Variants in WIPI1 observed in about 807,000 individuals in gnomAD.
WIPI1 encodes WD repeat domain phosphoinositide-interacting protein 1.
In WIPI1, 45 loss-of-function variants were observed where a neutral mutation model predicts 55.3. The observed-to-expected ratio is 0.81, with a 90% CI of 0.64 to 1.04. The LOEUF (loss-of-function observed/expected upper bound fraction) is 1.04. Ranked by LOEUF, WIPI1 falls within the 50% of genes least tolerant of loss-of-function variation. The pLI, the probability that WIPI1 is intolerant of heterozygous loss-of-function variation, is 0.00. For missense variants in WIPI1, 445 were observed against 559.0 expected, an observed-to-expected ratio of 0.80 and a Z score of 2.06; for synonymous variants, 195 against 217.6, an observed-to-expected ratio of 0.90 and a Z score of 0.92.
At chr17:68,455,035 G>A (rs1311034038) in intron 1 of WIPI1, among the ~76,000 whole-genome samples, 3 of 152,064 alleles carry the variant, frequency 2.0e-5, no homozygotes, top group Non-Finnish European at 4.4e-5. Context: ...ACAGAGCTTG[G>A]GACAAATATT....
chr17:68,452,302 C>T (rs1449732583), intron 2 of WIPI1, among the ~76,000 whole-genome samples: 8 of 152,156 alleles, frequency 5.3e-5, no homozygotes, highest in South Asian at 2.1e-4. Flanking sequence ...AGGTGGCTCA[C>T]GCCTGTAATC....
intron 1 of WIPI1, among the ~76,000 whole-genome samples, chr17:68,453,703 T>A (rs28449485): frequency 6.6e-6 from 1 of 152,044 alleles, no homozygotes; most frequent in African/African-American, 2.4e-5. Flanking sequence ...GGTCTTGAAC[T>A]CCTGGCCTCA....
At chr17:68,446,517 T>C (rs2084291439) in intron 3 of WIPI1, among the ~76,000 whole-genome samples, 1 of 152,200 alleles carries the variant, frequency 6.6e-6, no homozygotes, top group South Asian at 2.1e-4. Flanking sequence ...GTCGTAGGTC[T>C]GAGACTGGGG....
At chr17:68,449,096 A>T (rs566490507) in intron 3 of WIPI1, among the ~76,000 whole-genome samples, 3 of 152,342 alleles carry the variant, frequency 2.0e-5, no homozygotes, top group Non-Finnish European at 2.9e-5. Context: ...AAAAAAAATT[A>T]ATTAGTACTT....
intron 12 of WIPI1, 65 bp downstream of exon 12, chr17:68,426,010 T>C (rs2083143992): frequency 4.7e-6 from 6 of 1,285,252 alleles, no homozygotes; most frequent in Non-Finnish European, 6.8e-6. Context: ...GCCTCTCGTA[T>C]GAGGCGAAGG....
At chr17:68,433,794 T>C (rs909741173) in intron 7 of WIPI1, among the ~76,000 whole-genome samples, 2 of 84,976 alleles carry the variant, frequency 2.4e-5, no homozygotes, top group Admixed American at 3.2e-4. Context: ...TTTTTTTTTT[T>C]TTTTGAGACA....
rs368850543 is a variant in WIPI1, at chr17:68,429,141, C to T, written c.966-205G>A. Among the ~76,000 whole-genome samples the T allele has an allele frequency of 2.1e-4, 32 of 152,282 alleles. 1 individual carries two copies. The East Asian group carries it at 3.1e-3, about 15-fold the overall frequency. Reference sequence around the variant, plus strand: ...TTCAGGATTATTTCTTGTCTTTGAACGTGACAGTGTGGATGAGGCAAGTGA... The same window carrying T: ...TTCAGGATTATTTCTTGTCTTTGAATGTGACAGTGTGGATGAGGCAAGTGA... On this transcript the variant is annotated intron_variant, in intron 9 of 12. Coordinates refer to ENST00000262139, the MANE Select transcript of WIPI1 (RefSeq NM_017983.7).
Position 68,430,009 on chromosome 17 carries a change from A to C in WIPI1, c.952T>G (p.Cys318Gly), listed in dbSNP as rs1352855675. 6.2e-7 allele frequency: 1 copy of C among 1,614,086 alleles called. No individual in the cohort carries two copies. Among genetic ancestry groups the C allele is most frequent in the African/African-American group, 1.3e-5 (1 of 74,924 alleles). The change falls in exon 9 of 13, where the codon TGT becomes GGT. Residue 318 changes from cysteine (C) to glycine (G), a missense_variant. Cys to Gly is a radical substitution (Grantham distance 159). Coordinates refer to ENST00000262139, the MANE Select transcript of WIPI1 (RefSeq NM_017983.7). ...CATTGTACGTACGTTGAGAGGGTAC[A>C]GATGTTCCTCTGTCCGGAGAAGTTC... The part of the protein sequence containing the change: ...RLNFSGQRNI[C>G]TLSTIQKLPR...
chr17:68,451,620 C>T (rs867537303), intron 2 of WIPI1, among the ~76,000 whole-genome samples: 2 of 152,152 alleles, frequency 1.3e-5, no homozygotes, highest in Admixed American at 6.5e-5. Context: ...ATTTCAAAGG[C>T]GTGACTTCTC....
Position 68,421,792 on chromosome 17 carries a change from C to T in WIPI1, c.1322G>A (p.Gly441Asp), listed in dbSNP as rs191494496. The stretch of plus-strand genomic sequence containing the variant: ...TTCTCATCATGACTGCTTCGTTTTG[C>T]CCTTCTGATTTCCACGGCACAAGAT... Reference protein sequence around the residue: ...PIILCRGNQKGKTKQS With the variant: ...PIILCRGNQKDKTKQS The change falls in exon 13 of 13, where the codon GGC becomes GAC. Residue 441 changes from glycine (G) to aspartate (D), a missense_variant. Coordinates refer to ENST00000262139, the MANE Select transcript of WIPI1 (RefSeq NM_017983.7). 7 of 1,614,188 alleles carry T rather than the reference C, an allele frequency of 4.3e-6. No homozygotes were observed. In the Admixed American group the frequency reaches 6.7e-5, roughly 15 times the overall value.
At chr17:68,432,921 G>A (rs1347008369) in intron 8 of WIPI1, among the ~76,000 whole-genome samples, 1 of 152,080 alleles carries the variant, frequency 6.6e-6, no homozygotes, top group Non-Finnish European at 1.5e-5. Context: ...TGTCTGCCCT[G>A]AAGTTCTTTT....
intron 4 of WIPI1, among the ~76,000 whole-genome samples, chr17:68,441,844 C>T (rs1369254128): frequency 6.6e-6 from 1 of 152,218 alleles, no homozygotes; most frequent in East Asian, 1.9e-4. Context: ...ATTTAAAACA[C>T]CTTGGGCTAT....
In WIPI1 at chr17:68,451,653, ATTC is replaced by A. The variant is rs1037695401; in HGVS notation, c.164-759_164-757del. ...CTCAGTTGGGAACTTCTGCTTCAGA[ATTC>A]TTCTTGTCCTGCTAGAGGGGTGCCA... On this transcript the variant is annotated intron_variant, in intron 2 of 12. Transcript: ENST00000262139. Among the ~76,000 whole-genome samples, 6 of 152,324 alleles carry A rather than the reference ATTC, an allele frequency of 3.9e-5. No individual in the cohort carries two copies. In the East Asian group the frequency reaches 5.8e-4, roughly 15 times the overall value.
At chr17:68,425,472 C>T (rs536994031) in intron 12 of WIPI1, among the ~76,000 whole-genome samples, 18 of 151,380 alleles carry the variant, frequency 1.2e-4, no homozygotes, top group Admixed American at 1.1e-3. Flanking sequence ...CCTCCAGCCT[C>T]GGCCTCCCAA....
chr17:68,433,385 A>G, intron 8 of WIPI1, 83 bp downstream of exon 8: 1 of 1,259,822 alleles, frequency 7.9e-7, no homozygotes, highest in Non-Finnish European at 1.2e-6. Flanking sequence ...TTCAGAAAGA[A>G]AAGAGATCAT....
At position 68,435,123 on chromosome 17, in the gene WIPI1, C is replaced by T. The variant is rs895967824; in HGVS notation, c.621+497G>A. Among the ~76,000 whole-genome samples the T allele has an allele frequency of 2.6e-5, 4 of 151,462 alleles. No individual in the cohort carries two copies. The Admixed American group carries it at 2.6e-4, about 10-fold the overall frequency. ...TCGGGAGGCTGAGGCAGGAGAATCA[C>T]TTAAACCTGGGAGGCGGAGGTTGCA... is the stretch of plus-strand genomic sequence containing the variant. On this transcript the variant is annotated intron_variant, in intron 6 of 12. Coordinates refer to ENST00000262139, the MANE Select transcript of WIPI1 (RefSeq NM_017983.7).
At chr17:68,438,580 C>T (rs1047863554) in intron 4 of WIPI1, among the ~76,000 whole-genome samples, 2 of 152,170 alleles carry the variant, frequency 1.3e-5, no homozygotes, top group Non-Finnish European at 2.9e-5. Context: ...TGTGTAACTG[C>T]TGAAGGTTTC....
Position 68,423,211 on chromosome 17 carries a change from T to G in WIPI1, c.1294-1391A>C, listed in dbSNP as rs1443247042. ...GTGAATTCTGCACAGAGATTTGCAA[T>G]AGGCATGACAATTCAGAATAAGGAG... On this transcript the variant is annotated intron_variant, in intron 12 of 12. Transcript: ENST00000262139. This position sits in a 1 kb window ranked among gnomAD's most constrained non-coding sequence, Gnocchi z 4.4. 2.0e-5 allele frequency among the ~76,000 whole-genome samples: 3 copies of G among 152,186 alleles called. No homozygotes were observed. The highest frequency in any genetic ancestry group is 7.2e-5 in the African/African-American group (3 of 41,454).
intron 2 of WIPI1, 65 bp from the exon 3 acceptor site, chr17:68,450,962 A>T: frequency 2.6e-6 from 4 of 1,554,388 alleles, no homozygotes; most frequent in Non-Finnish European, 3.5e-6. Flanking sequence ...TCCAGCCTCC[A>T]TGACACTGGG....
Sources: gnomAD v4.1 joint callset for allele counts (sites outside exome capture counted in the v4.1 genomes callset) on GRCh38, gnomAD v4.1.1 for gene constraint, Gnocchi (gnomAD v3.1) non-coding constraint, MANE v1.5 for transcripts, NCBI Gene and HGNC (gene_info 2026-07-23, HGNC 2026-07-21) for gene names.